The following PHF12 variants were observed in gnomAD, a reference collection of about 807,000 sequenced individuals.
PHF12 encodes PHD finger protein 12, also known as PHD factor 1.
Under a neutral mutation model 99.8 loss-of-function variants are expected in PHF12, and 6 were observed. The ratio of observed to expected loss-of-function variants is 0.06; its 90% CI spans 0.03 to 0.12. The LOEUF (loss-of-function observed/expected upper bound fraction) is 0.12. Among genes scored for constraint, PHF12 ranks in the 10% least tolerant of loss-of-function variants. The pLI is 1.00. For missense variants in PHF12, 954 were observed against 1,300.1 expected, an observed-to-expected ratio of 0.73 and a Z score of 4.09; for synonymous variants, 480 against 514.9, an observed-to-expected ratio of 0.93 and a Z score of 0.92.
At chr17:28,911,082 C>G in intron 10 of PHF12, 30 bp downstream of exon 10, 1 of 1,613,514 alleles carries the variant, frequency 6.2e-7, no homozygotes, top group Non-Finnish European at 8.5e-7. Context: ...ACATAGCAAA[C>G]GGTGGAACAG....
In PHF12 at chr17:28,913,928, A is replaced by G; in HGVS notation, c.1244T>C (p.Met415Thr). The G allele has an allele frequency of 6.2e-7, 1 of 1,613,634 alleles. No individual in the cohort carries two copies. The highest frequency in any genetic ancestry group is 1.3e-5 in the African/African-American group (1 of 75,010). The change falls in exon 8 of 15, where the codon ATG (methionine) becomes ACG (threonine). Residue 415 changes from methionine to threonine, a missense_variant. Physicochemically the swap from Met to Thr is moderately conservative, Grantham distance 81. Around this residue, in one of 8 missense-constraint regions of PHF12, gnomAD observed 392 missense variants for 423.1 expected, o/e 0.93. Transcript: ENST00000332830. The part of the protein sequence containing the change: ...ICNGIPEESQ[M>T]HLLNSEHLAT... ...TAAGTGCTCAGAGTTCAAAAGGTGCATCTGTGATTCCTCAGGGATCCCATT... is the reference window on the plus strand; with the variant it reads ...TAAGTGCTCAGAGTTCAAAAGGTGCGTCTGTGATTCCTCAGGGATCCCATT...
intron 3 of PHF12, chr17:28,926,106 T>C (rs1177839622): frequency 1.3e-5 from 2 of 152,394 alleles, no homozygotes; most frequent in African/African-American, 4.8e-5. Context: ...CTTTTAAATA[T>C]GAACCCTTAT....
chr17:28,920,186 G>T (rs1220806354), intron 5 of PHF12, among the ~76,000 whole-genome samples: 1 of 152,198 alleles, frequency 6.6e-6, no homozygotes, highest in Non-Finnish European at 1.5e-5. Context: ...TCCCCAAGAT[G>T]CACTGGAGCC....
At chr17:28,910,649 C>T in intron 10 of PHF12, 2 of 497,558 alleles carry the variant, frequency 4.0e-6, no homozygotes, top group Non-Finnish European at 7.2e-6. Flanking sequence ...TGGAATAAAC[C>T]ACTTGCCTGT....
intron 2 of PHF12, among the ~76,000 whole-genome samples, chr17:28,943,498 C>T (rs542697802): frequency 3.2e-4 from 48 of 152,046 alleles, no homozygotes; most frequent in African/African-American, 1.0e-3. Context: ...GGCGTGGTGG[C>T]GGACATCTGT....
At chr17:28,931,256 C>CT (rs34710675) in intron 2 of PHF12, among the ~76,000 whole-genome samples, 2,020 of 127,510 alleles carry the variant, frequency 0.016, 50 homozygotes, top group African/African-American at 0.05. Flanking sequence ...GCCATCATTC[C>CT]TTTTTTTTTT....
rs772712014 is a variant in PHF12, at chr17:28,921,681, A to G, written c.836+7T>C. 4 of 1,613,826 alleles carry G rather than the reference A, an allele frequency of 2.5e-6. No homozygotes were observed. Among genetic ancestry groups the G allele is most frequent in the East Asian group, 2.2e-5 (1 of 44,872 alleles). On this transcript the variant is annotated splice_region_variant and intron_variant, in intron 5 of 14. Transcript: ENST00000332830. ...GAGAAAGAGCCCCTTAGTATGAAAGAAAATACCTGTTACACGTGAAGCAGA... is the reference window on the plus strand; with the variant it reads ...GAGAAAGAGCCCCTTAGTATGAAAGGAAATACCTGTTACACGTGAAGCAGA...
Position 28,906,289 on chromosome 17 carries a change from T to C in PHF12, c.2909A>G (p.Lys970Arg). The C allele has an allele frequency of 6.2e-7, 1 of 1,614,192 alleles. No homozygotes were observed. Among genetic ancestry groups the C allele is most frequent in the Non-Finnish European group, 8.5e-7 (1 of 1,180,014 alleles). ...FVFSITEFAT[K>R]QPKGDASLLQ... Reference sequence around the variant, plus strand: ...CAGGCTGGCATCGCCTTTGGGCTGTTTGGTCGCAAACTCAGTGATGCTGAA... The same window carrying C: ...CAGGCTGGCATCGCCTTTGGGCTGTCTGGTCGCAAACTCAGTGATGCTGAA... The change falls in exon 15 of 15, where the codon AAA becomes AGA. Residue 970 changes from lysine to arginine, a missense_variant. Physicochemically the swap from Lys to Arg is conservative, Grantham distance 26. Transcript: ENST00000332830. The surrounding 1 kb of genome is among the most constrained non-coding windows in gnomAD (Gnocchi z 4.2).
intron 2 of PHF12, among the ~76,000 whole-genome samples, chr17:28,928,883 G>T (rs1432718253): frequency 6.6e-6 from 1 of 151,798 alleles, no homozygotes; most frequent in Admixed American, 6.6e-5. Context: ...AGAACACGAC[G>T]TCAGGAGTTT....
chr17:28,931,043 AGAGT>A (rs1436604298), intron 2 of PHF12, among the ~76,000 whole-genome samples: 1 of 152,200 alleles, frequency 6.6e-6, no homozygotes, highest in Non-Finnish European at 1.5e-5. Flanking sequence ...TTTGGGCAAC[AGAGT>A]GAGACCCTGT....
At chr17:28,948,575 TG>T (rs564710799) in intron 2 of PHF12, among the ~76,000 whole-genome samples, 121 of 152,328 alleles carry the variant, frequency 7.9e-4, no homozygotes, top group Non-Finnish European at 1.3e-3. Flanking sequence ...GGAATGGTAA[TG>T]GGAGTTTCCT....
At chr17:28,908,990 T>C in intron 11 of PHF12, 109 bp from the exon 12 acceptor site, 1 of 1,003,182 alleles carries the variant, frequency 1.0e-6, no homozygotes, top group Non-Finnish European at 1.5e-6. Context: ...AAAATCCCGC[T>C]GGATGACTCA....
At chr17:28,948,886 C>T (rs1363730670) in intron 2 of PHF12, among the ~76,000 whole-genome samples, 2 of 152,200 alleles carry the variant, frequency 1.3e-5, no homozygotes, top group African/African-American at 4.8e-5. Flanking sequence ...AACAACAGAA[C>T]GAGACCCAGT....
intron 2 of PHF12, among the ~76,000 whole-genome samples, chr17:28,933,162 G>C (rs1276200850): frequency 6.6e-6 from 1 of 152,108 alleles, no homozygotes; most frequent in African/African-American, 2.4e-5. Flanking sequence ...AAAGTTAAAA[G>C]TCACGTAACA....
intron 2 of PHF12, among the ~76,000 whole-genome samples, chr17:28,927,420 T>A (rs2040301313): frequency 6.6e-6 from 1 of 152,222 alleles, no homozygotes; most frequent in South Asian, 2.1e-4. Context: ...CACCGTTCCA[T>A]CTTCCCAGAC....
intron 3 of PHF12, 127 bp downstream of exon 3, chr17:28,926,864 G>C (rs747600030): frequency 1.9e-6 from 3 of 1,561,066 alleles, no homozygotes; most frequent in East Asian, 4.7e-5. Context: ...AGAGTGGGGT[G>C]ATTCCAGGGC....
chr17:28,935,328 G>C (rs989391143), intron 2 of PHF12, among the ~76,000 whole-genome samples: 1 of 152,122 alleles, frequency 6.6e-6, no homozygotes. Flanking sequence ...CTGGAATGCA[G>C]TGGTGCGATC....
chr17:28,941,012 G>A (rs2152677243), intron 2 of PHF12, among the ~76,000 whole-genome samples: 1 of 151,782 alleles, frequency 6.6e-6, no homozygotes, highest in South Asian at 2.1e-4. Context: ...AGTCAAAGGA[G>A]GAGCCCAGTG....
intron 10 of PHF12, 113 bp from the exon 11 acceptor site, chr17:28,910,482 T>C: frequency 1.5e-6 from 2 of 1,297,854 alleles, no homozygotes; most frequent in Non-Finnish European, 2.1e-6. Context: ...GCCAAGTGAT[T>C]TTTACTCAAA....
Sources: allele counts gnomAD v4.1 joint callset (sites outside exome capture counted in the v4.1 genomes callset), GRCh38; gene constraint gnomAD v4.1.1; regional missense constraint gnomAD v4.1.1; non-coding constraint Gnocchi (gnomAD v3.1); transcripts MANE v1.5; gene names NCBI Gene and HGNC (gene_info 2026-07-23, HGNC 2026-07-21).